Variants in CUX2 observed in about 807,000 individuals in gnomAD.
CUX2 encodes cut like homeobox 2.
In CUX2, 40 loss-of-function variants were observed where a neutral mutation model predicts 144.8. That is an observed-to-expected ratio of 0.28 (90% confidence interval 0.21 to 0.36). CUX2 has a LOEUF of 0.36. Among genes scored for constraint, CUX2 ranks in the 10% least tolerant of loss-of-function variants. The pLI is 1.00. For missense variants in CUX2, 1,615 were observed against 1,994.0 expected (o/e 0.81, Z 3.62); for synonymous variants, 827 against 875.6 (o/e 0.94, Z 0.98).
At chr12:111,257,225 C>G (rs1246571743) in intron 3 of CUX2, among the ~76,000 whole-genome samples, 2 of 145,334 alleles carry the variant, frequency 1.4e-5, no homozygotes, top group Non-Finnish European at 3.1e-5. Flanking sequence ...TCCTTCCTCC[C>G]CCTCCCACTT....
chr12:111,199,631 G>A (rs980736700), intron 1 of CUX2, among the ~76,000 whole-genome samples: 8 of 152,152 alleles, frequency 5.3e-5, no homozygotes, highest in Non-Finnish European at 5.9e-5. Context: ...GGTCTGTCAT[G>A]CTCAGGTTTT....
intron 10 of CUX2, among the ~76,000 whole-genome samples, chr12:111,305,944 GGTGTGTCCTTGTGT>G (rs1886558720): frequency 6.6e-6 from 1 of 152,098 alleles, no homozygotes; most frequent in South Asian, 2.1e-4. Flanking sequence ...TGTGGCTATA[GGTGTGTCCTTGTGT>G]GTCAGCCTGT....
chr12:111,107,389 G>T (rs544200047), intron 1 of CUX2, among the ~76,000 whole-genome samples: 1 of 152,350 alleles, frequency 6.6e-6, no homozygotes, highest in African/African-American at 2.4e-5. Flanking sequence ...TCTTCTTCAG[G>T]ATTTCCTGCC....
At chr12:111,201,561 C>T (rs1880600093) in intron 1 of CUX2, among the ~76,000 whole-genome samples, 1 of 152,182 alleles carries the variant, frequency 6.6e-6, no homozygotes, top group South Asian at 2.1e-4. Context: ...TGGGACTACG[C>T]CTGCATATTT....
intron 1 of CUX2, among the ~76,000 whole-genome samples, chr12:111,047,595 G>A (rs2136008059): frequency 6.6e-6 from 1 of 152,264 alleles, no homozygotes; most frequent in African/African-American, 2.4e-5. Flanking sequence ...CTATTTTGCA[G>A]CTGAGGCTAC....
In CUX2 at chr12:111,347,677, C is replaced by T. The variant is rs201865813; in HGVS notation, c.3813C>T (p.Thr1271=). Residue 1271 remains threonine (T), a synonymous_variant, in exon 22 of 22, where the codon ACC becomes ACT. Transcript: ENST00000261726. ...PDSETEDQKP[T]VKELELQEGP... Reference sequence around the variant, plus strand: ...CTGAGACTGAGGACCAGAAGCCAACCGTGAAGGAACTGGAGCTTCAGGAGG... The same window carrying T: ...CTGAGACTGAGGACCAGAAGCCAACTGTGAAGGAACTGGAGCTTCAGGAGG... The T allele has an allele frequency of 1.3e-5, 21 of 1,613,746 alleles. No homozygotes were observed. Among genetic ancestry groups the T allele is most frequent in the African/African-American group, 9.4e-5 (7 of 74,828 alleles).
At chr12:111,273,231 G>C (rs1450884582) in intron 4 of CUX2, among the ~76,000 whole-genome samples, 1 of 152,168 alleles carries the variant, frequency 6.6e-6, no homozygotes, top group Non-Finnish European at 1.5e-5. Flanking sequence ...CCACCATGTG[G>C]AGGTCATTTC....
At chr12:111,065,099 A>G (rs1232879142) in intron 1 of CUX2, among the ~76,000 whole-genome samples, 1 of 152,220 alleles carries the variant, frequency 6.6e-6, no homozygotes, top group Non-Finnish European at 1.5e-5. Context: ...TTGAGAGGTC[A>G]TCTTTGGTAG....
chr12:111,224,713 A>C (rs1183023121), intron 3 of CUX2, among the ~76,000 whole-genome samples: 1 of 152,020 alleles, frequency 6.6e-6, no homozygotes, highest in East Asian at 1.9e-4. Context: ...AGGGGAGGGC[A>C]GGGAGCAGGG....
chr12:111,041,557 A>T (rs1869741080), intron 1 of CUX2, among the ~76,000 whole-genome samples: 1 of 152,230 alleles, frequency 6.6e-6, no homozygotes, highest in Non-Finnish European at 1.5e-5. Context: ...TGAGATATTT[A>T]AAAACACTTT....
chr12:111,322,472 C>G lies in CUX2; in HGVS notation c.2818C>G (p.Pro940Ala). Residue 940 changes from proline (P) to alanine (A), a missense_variant, in exon 18 of 22, where the codon CCA becomes GCA. Pro to Ala is a conservative substitution (Grantham distance 27). Transcript: ENST00000261726. The surrounding 1 kb of genome is among the most constrained non-coding windows in gnomAD (Gnocchi z 4.2). ...GAGCGACATGCTGTCCCGGCCGAAGCCATGGAGCAAGCTGACGCAGAAGGG... is the reference window on the plus strand; with the variant it reads ...GAGCGACATGCTGTCCCGGCCGAAGGCATGGAGCAAGCTGACGCAGAAGGG... ...SVSDMLSRPK[P>A]WSKLTQKGRE... is the part of the protein sequence containing the mutation. The G allele has an allele frequency of 6.3e-7, 1 of 1,593,956 alleles. No individual in the cohort carries two copies. The highest frequency in any genetic ancestry group is 8.5e-7 in the Non-Finnish European group (1 of 1,171,774).
chr12:111,087,400 AAAAG>A (rs1368017574), intron 1 of CUX2, among the ~76,000 whole-genome samples: 2 of 151,248 alleles, frequency 1.3e-5, no homozygotes, highest in Non-Finnish European at 2.9e-5. Context: ...AAAAAGAAAG[AAAAG>A]AAAGAAAATG....
At chr12:111,063,075 T>C (rs1394327906) in intron 1 of CUX2, among the ~76,000 whole-genome samples, 2 of 152,160 alleles carry the variant, frequency 1.3e-5, no homozygotes, top group Non-Finnish European at 2.9e-5. Flanking sequence ...CTGGGAGACC[T>C]GGCCAGACAA....
chr12:111,226,678 T>C (rs570578005), intron 3 of CUX2, among the ~76,000 whole-genome samples: 183 of 152,296 alleles, frequency 1.2e-3, no homozygotes, highest in Non-Finnish European at 1.7e-3. Context: ...TTCTCGCGCT[T>C]TATTTTTATA....
intron 1 of CUX2, among the ~76,000 whole-genome samples, chr12:111,115,663 G>A (rs1285230261): frequency 1.3e-5 from 2 of 152,126 alleles, no homozygotes; most frequent in Non-Finnish European, 2.9e-5. Flanking sequence ...TCAGGTGCCA[G>A]TTTAAGTGTT....
chr12:111,254,629 G>T (rs746027339), intron 3 of CUX2, among the ~76,000 whole-genome samples: 2 of 152,090 alleles, frequency 1.3e-5, no homozygotes, highest in Non-Finnish European at 2.9e-5. Context: ...GACACTTGAG[G>T]GTCCAAAAAT....
chr12:111,133,878 C>CA (rs1011529252), intron 1 of CUX2, among the ~76,000 whole-genome samples: 2 of 152,152 alleles, frequency 1.3e-5, no homozygotes, highest in Admixed American at 1.3e-4. Flanking sequence ...AAGGAAGACT[C>CA]AGAGTTTAGG....
chr12:111,184,284 C>G (rs922127890), intron 1 of CUX2, among the ~76,000 whole-genome samples: 5 of 152,046 alleles, frequency 3.3e-5, no homozygotes, highest in Non-Finnish European at 5.9e-5. Flanking sequence ...TGGAAAAAAC[C>G]TAAGTATCCA....
intron 1 of CUX2, among the ~76,000 whole-genome samples, chr12:111,109,856 C>A (rs1873831810): frequency 6.6e-6 from 1 of 151,966 alleles, no homozygotes; most frequent in South Asian, 2.1e-4. Context: ...GGGTGGATCT[C>A]CCCCGATCTC....
Sources: gnomAD v4.1 joint callset for allele counts (sites outside exome capture counted in the v4.1 genomes callset) on GRCh38, gnomAD v4.1.1 for gene constraint, Gnocchi (gnomAD v3.1) non-coding constraint, MANE v1.5 for transcripts, NCBI Gene and HGNC (gene_info 2026-07-23, HGNC 2026-07-21) for gene names.